Variants in ARL15 observed in about 807,000 individuals in gnomAD.
ARL15 encodes the protein ARF like GTPase 15.
ARL15 carries 19 observed loss-of-function variants against 25.2 expected under a neutral mutation model. The observed-to-expected ratio is 0.75, with a 90% CI of 0.53 to 1.10. ARL15 has a LOEUF of 1.10. ARL15 is among the 50% of genes least tolerant of loss of function. The probability of loss-of-function intolerance (pLI) is 0.00; values close to 1 mark genes in which losing one functional copy is unlikely to be tolerated. For missense variants in ARL15, 220 were observed against 246.0 expected, an observed-to-expected ratio of 0.89 and a Z score of 0.71; for synonymous variants, 94 against 86.8, an observed-to-expected ratio of 1.08 and a Z score of -0.46.
rs549883851 is a variant in ARL15 at position 53,997,189 on chromosome 5, A to AC, written c.463-110477dup. Reference sequence around the variant, plus strand: ...AATCCAGTTCACAAAAACCTTTCAAACTTTTTTCTCCAAATAATCTGTCTT... The same window carrying AC: ...AATCCAGTTCACAAAAACCTTTCAAACCTTTTTTCTCCAAATAATCTGTCTT... On this transcript the variant is annotated intron_variant, in intron 4 of 4. Coordinates refer to ENST00000504924, the MANE Select transcript of ARL15 (RefSeq NM_019087.3). Among the ~76,000 whole-genome samples the AC allele has an allele frequency of 7.9e-5, 12 of 152,256 alleles. No individual in the cohort carries two copies. In the East Asian group the frequency reaches 2.3e-3, roughly 29 times the overall value.
intron 1 of ARL15, among the ~76,000 whole-genome samples, chr5:54,276,488 C>T (rs1376121032): frequency 6.6e-6 from 1 of 152,174 alleles, no homozygotes; most frequent in Non-Finnish European, 1.5e-5. Flanking sequence ...CTAGGCTACA[C>T]TGGTTTTCTT....
intron 3 of ARL15, among the ~76,000 whole-genome samples, chr5:54,120,009 G>A (rs1455312738): frequency 6.6e-6 from 1 of 152,232 alleles, no homozygotes; most frequent in East Asian, 1.9e-4. Context: ...AACCATATGG[G>A]AGTTTTGTGC....
chr5:54,201,269 C>T (rs771314187), intron 1 of ARL15, among the ~76,000 whole-genome samples: 3 of 152,016 alleles, frequency 2.0e-5, no homozygotes, highest in Admixed American at 6.6e-5. Flanking sequence ...CTACCCCACA[C>T]GCTCCTCACC....
Position 53,928,116 on chromosome 5 carries a change from G to A in ARL15, c.463-41403C>T, listed in dbSNP as rs146494638. 3.1e-3 allele frequency among the ~76,000 whole-genome samples: 472 copies of A among 152,226 alleles called. 4 individuals are homozygous for A. Among genetic ancestry groups the A allele is most frequent in the African/African-American group, 0.011 (462 of 41,550 alleles). On this transcript the variant is annotated intron_variant, in intron 4 of 4. Coordinates refer to ENST00000504924, the MANE Select transcript of ARL15 (RefSeq NM_019087.3). ...CAGAGCCAGACTGACGGTAACTAACGTTACTGGAGTCTTCATGGAGGAGAC... is the reference window on the plus strand; with the variant it reads ...CAGAGCCAGACTGACGGTAACTAACATTACTGGAGTCTTCATGGAGGAGAC...
intron 4 of ARL15, among the ~76,000 whole-genome samples, chr5:54,106,040 A>G (rs1752580415): frequency 6.6e-6 from 1 of 152,190 alleles, no homozygotes; most frequent in Non-Finnish European, 1.5e-5. Flanking sequence ...TTTGGCCAAG[A>G]TGTCCAGCCA....
chr5:53,949,355 C>A (rs1197223534), intron 4 of ARL15, among the ~76,000 whole-genome samples: 1 of 152,122 alleles, frequency 6.6e-6, no homozygotes, highest in Non-Finnish European at 1.5e-5. Flanking sequence ...ATGAAGACAG[C>A]ACTTATAACA....
At chr5:53,898,064 G>A (rs1744930698) in intron 4 of ARL15, among the ~76,000 whole-genome samples, 1 of 152,176 alleles carries the variant, frequency 6.6e-6, no homozygotes, top group Non-Finnish European at 1.5e-5. Context: ...TTAAGTGTAA[G>A]GGGATCATTA....
intron 4 of ARL15, among the ~76,000 whole-genome samples, chr5:54,046,694 C>A (rs1190104039): frequency 6.6e-6 from 1 of 152,118 alleles, no homozygotes; most frequent in Non-Finnish European, 1.5e-5. Flanking sequence ...CATGGGTCAA[C>A]AACTGCTGTA....
At chr5:54,049,193 T>C (rs927366064) in intron 4 of ARL15, among the ~76,000 whole-genome samples, 2 of 152,114 alleles carry the variant, frequency 1.3e-5, no homozygotes, top group African/African-American at 4.8e-5. Context: ...ATACCTAAGA[T>C]ATGGACATAG....
At chr5:53,919,924 T>G (rs1009334242) in intron 4 of ARL15, among the ~76,000 whole-genome samples, 23 of 152,224 alleles carry the variant, frequency 1.5e-4, no homozygotes, top group Admixed American at 1.5e-3. Context: ...GTAAATGTCT[T>G]TAGCTTCCTA....
chr5:54,039,937 T>G (rs745593675), intron 4 of ARL15, among the ~76,000 whole-genome samples: 7 of 151,928 alleles, frequency 4.6e-5, no homozygotes, highest in Non-Finnish European at 7.4e-5. Flanking sequence ...CCACAAAAGA[T>G]CATAAACAAT....
intron 4 of ARL15, among the ~76,000 whole-genome samples, chr5:53,944,927 A>G (rs891790381): frequency 6.6e-6 from 1 of 152,310 alleles, no homozygotes; most frequent in East Asian, 1.9e-4. Flanking sequence ...ACAGGCCAAT[A>G]TAGGTTCAAT....
chr5:54,220,767 G>GTGTGCAA (rs1207267816), intron 1 of ARL15, among the ~76,000 whole-genome samples: 1 of 105,078 alleles, frequency 9.5e-6, no homozygotes, highest in African/African-American at 3.4e-5. Flanking sequence ...AAGAGACAAT[G>GTGTGCAA]TGTGTTGTAT....
chr5:54,141,143 G>A (rs1001753412), intron 3 of ARL15, among the ~76,000 whole-genome samples: 1 of 151,176 alleles, frequency 6.6e-6, no homozygotes, highest in Non-Finnish European at 1.5e-5. Context: ...TAATGAATCT[G>A]TCATTTTTTT....
chr5:54,148,859 C>A (rs1290573193), intron 3 of ARL15, among the ~76,000 whole-genome samples: 1 of 152,194 alleles, frequency 6.6e-6, no homozygotes, highest in Non-Finnish European at 1.5e-5. Context: ...AATAATAACA[C>A]ACCAAACATG....
chr5:54,126,510 T>C (rs959257736), intron 3 of ARL15, among the ~76,000 whole-genome samples: 10 of 152,224 alleles, frequency 6.6e-5, no homozygotes, highest in African/African-American at 2.2e-4. Flanking sequence ...TGCCAAGCTC[T>C]TTGAAACTTT....
At chr5:53,893,715 C>T (rs1041092877) in intron 4 of ARL15, among the ~76,000 whole-genome samples, 5 of 152,206 alleles carry the variant, frequency 3.3e-5, no homozygotes, top group African/African-American at 1.2e-4. Flanking sequence ...TTGCTGCCTT[C>T]ATTACAGAGG....
At chr5:54,002,577 C>T (rs576413950) in intron 4 of ARL15, among the ~76,000 whole-genome samples, 1 of 152,280 alleles carries the variant, frequency 6.6e-6, no homozygotes, top group South Asian at 2.1e-4. Flanking sequence ...TTTATTCACA[C>T]TGTGACTAAA....
intron 1 of ARL15, among the ~76,000 whole-genome samples, chr5:54,228,408 G>T (rs1301280559): frequency 6.6e-6 from 1 of 152,006 alleles, no homozygotes; most frequent in African/African-American, 2.4e-5. Flanking sequence ...CAATATTCAG[G>T]ACTAGCTCAA....
Sources: gnomAD v4.1 joint callset for allele counts (sites outside exome capture counted in the v4.1 genomes callset) on GRCh38, gnomAD v4.1.1 for gene constraint, MANE v1.5 for transcripts, NCBI Gene and HGNC (gene_info 2026-07-23, HGNC 2026-07-21) for gene names.